The following FRMD4A variants were observed in gnomAD, a reference collection of about 807,000 sequenced individuals.
The protein encoded by FRMD4A is FERM domain-containing protein 4A.
In FRMD4A, 29 loss-of-function variants were observed where a neutral mutation model predicts 129.1. The observed-to-expected ratio is 0.22, with a 90% CI of 0.17 to 0.31. The LOEUF is 0.31. Ranked by LOEUF, FRMD4A falls within the 10% of genes least tolerant of loss-of-function variation. FRMD4A has a pLI of 1.00. For synonymous variants in FRMD4A, 634 were observed against 571.6 expected (o/e 1.11, Z -1.56); for missense variants, 1,272 against 1,375.8 (o/e 0.92, Z 1.19).
chr10:14,201,985 C>A (rs931949601), intron 2 of FRMD4A, among the ~76,000 whole-genome samples: 1 of 151,930 alleles, frequency 6.6e-6, no homozygotes, highest in African/African-American at 2.4e-5. Flanking sequence ...AACAAACAAA[C>A]AAATTAGCTG....
chr10:13,715,180 C>A (rs1252941051), intron 12 of FRMD4A, among the ~76,000 whole-genome samples: 1 of 152,128 alleles, frequency 6.6e-6, no homozygotes, highest in Non-Finnish European at 1.5e-5. Flanking sequence ...GGAGCAAGAA[C>A]CCTGGGTGGG....
intron 2 of FRMD4A, among the ~76,000 whole-genome samples, chr10:13,864,758 G>T (rs1172586173): frequency 4.0e-5 from 6 of 151,656 alleles, no homozygotes; most frequent in African/African-American, 1.2e-4. Flanking sequence ...TGCATTTTTG[G>T]TAGAGATGGG....
intron 2 of FRMD4A, among the ~76,000 whole-genome samples, chr10:14,065,643 C>T (rs1389157776): frequency 2.6e-5 from 4 of 152,186 alleles, no homozygotes; most frequent in African/African-American, 9.6e-5. Context: ...GCCCCCAAAA[C>T]TAAAATATCG....
chr10:14,031,301 C>G (rs1833232385), intron 2 of FRMD4A, among the ~76,000 whole-genome samples: 1 of 148,656 alleles, frequency 6.7e-6, no homozygotes, highest in Non-Finnish European at 1.5e-5. Flanking sequence ...GAGTTTCACT[C>G]TTGTTGCCTA....
chr10:13,659,250 C>A lies in FRMD4A; in HGVS notation c.2066+73G>T, dbSNP rs970212368. On this transcript the variant is annotated intron_variant, in intron 21 of 24. Coordinates refer to ENST00000357447, the MANE Select transcript of FRMD4A (RefSeq NM_018027.5). ...GACTGTAGCTCATCCATTATTTGGG[C>A]CAGCTTGGGGCTGACAATGCCCAAT... 3 of 1,336,166 alleles carry A rather than the reference C, an allele frequency of 2.2e-6. No individual in the cohort carries two copies. The Admixed American group carries it at 5.1e-5, about 23-fold the overall frequency. 82.8% of individuals were successfully genotyped at this position (1,336,166 alleles called of 1,614,324 possible).
chr10:13,733,916 G>A (rs1205252670), intron 12 of FRMD4A, among the ~76,000 whole-genome samples: 1 of 152,134 alleles, frequency 6.6e-6, no homozygotes, highest in Non-Finnish European at 1.5e-5. Flanking sequence ...TCCTCCCTCT[G>A]TCCAGTCTCT....
intron 2 of FRMD4A, among the ~76,000 whole-genome samples, chr10:14,187,354 C>T (rs779030786): frequency 1.6e-4 from 25 of 152,256 alleles, no homozygotes; most frequent in Non-Finnish European, 2.8e-4. Context: ...CCAGAGAGTT[C>T]GGTTACTTTC....
chr10:14,050,118 TA>T (rs1455726869), intron 2 of FRMD4A, among the ~76,000 whole-genome samples: 1 of 152,198 alleles, frequency 6.6e-6, no homozygotes, highest in Non-Finnish European at 1.5e-5. Context: ...AAAATGGGGC[TA>T]ATGACATTCT....
At chr10:13,840,149 C>T (rs1161932746) in intron 3 of FRMD4A, among the ~76,000 whole-genome samples, 1 of 152,200 alleles carries the variant, frequency 6.6e-6, no homozygotes, top group African/African-American at 2.4e-5. Context: ...TTACTCCCAG[C>T]ATACCTCAGA....
chr10:13,721,676 G>C (rs1264210839), intron 12 of FRMD4A, among the ~76,000 whole-genome samples: 1 of 152,154 alleles, frequency 6.6e-6, no homozygotes, highest in Non-Finnish European at 1.5e-5. Flanking sequence ...ACTTCTTCCA[G>C]CCTGTCAGCA....
intron 15 of FRMD4A, among the ~76,000 whole-genome samples, chr10:13,681,810 G>A (rs985322752): frequency 2.6e-5 from 4 of 152,130 alleles, no homozygotes; most frequent in African/African-American, 9.7e-5. Context: ...CTGTAAAATG[G>A]GAATGAAAAC....
intron 18 of FRMD4A, 63 bp from the exon 19 acceptor site, chr10:13,663,572 TA>T: frequency 1.2e-6 from 1 of 844,320 alleles, no homozygotes; most frequent in Non-Finnish European, 2.1e-6. Context: ...GCCCTATCTG[TA>T]AAAATAGCAT....
At chr10:13,885,990 G>C (rs1232198580) in intron 2 of FRMD4A, among the ~76,000 whole-genome samples, 1 of 152,140 alleles carries the variant, frequency 6.6e-6, no homozygotes, top group East Asian at 1.9e-4. Context: ...TCGGGAGATG[G>C]GCAAGCCAGC....
intron 14 of FRMD4A, among the ~76,000 whole-genome samples, chr10:13,694,981 T>C (rs2086076492): frequency 6.6e-6 from 1 of 152,194 alleles, no homozygotes; most frequent in Non-Finnish European, 1.5e-5. Context: ...CTTATTTTGA[T>C]ACCTAAGTAC....
At chr10:13,991,844 G>A (rs1388734099) in intron 2 of FRMD4A, 1 of 152,580 alleles carries the variant, frequency 6.6e-6, no homozygotes, top group East Asian at 1.9e-4. Context: ...CATGGAATAT[G>A]AGGGTAAACT....
rs927926832 is a variant in FRMD4A, at chr10:13,821,517, C to A, written c.112-10609G>T. Among the ~76,000 whole-genome samples, 2 of 152,152 alleles carry A rather than the reference C, an allele frequency of 1.3e-5. No individual in the cohort carries two copies. The highest frequency in any genetic ancestry group is 2.9e-5 in the Non-Finnish European group (2 of 68,022). ...ACCTCTAGTCTAGGAGTGACAGTGG[C>A]ATCACATCGCTGCAGCAGAACAGCA... is the stretch of plus-strand genomic sequence containing the variant. On this transcript the variant is annotated intron_variant, in intron 3 of 24. Coordinates refer to ENST00000357447, the MANE Select transcript of FRMD4A (RefSeq NM_018027.5). This position sits in a 1 kb window ranked among gnomAD's most constrained non-coding sequence, Gnocchi z 4.3.
rs138983106 is a variant in FRMD4A at position 14,318,375 on chromosome 10, G to A, written c.45+11683C>T. ...CATGGGCAATAAAGACACAAAACAA[G>A]TTATTAGTCCCAAGGCCAAGCATGT... On this transcript the variant is annotated intron_variant, in intron 2 of 24. Transcript: ENST00000357447. 5.6e-4 allele frequency among the ~76,000 whole-genome samples: 81 copies of A among 143,954 alleles called. 1 individual carries two copies. Among genetic ancestry groups the A allele is most frequent in the African/African-American group, 1.9e-3 (75 of 39,712 alleles). 94.4% of individuals were successfully genotyped at this position (143,954 alleles called of 152,430 possible). A position where few individuals can be genotyped will look rare whatever the true frequency, so the allele number is the denominator to read the frequency against.
At position 13,740,188 on chromosome 10, in the gene FRMD4A, A is replaced by G; in HGVS notation, c.672+6T>C. 1 of 1,557,534 alleles carries G rather than the reference A, an allele frequency of 6.4e-7. No individual in the cohort carries two copies. The highest frequency in any genetic ancestry group is 8.9e-7 in the Non-Finnish European group (1 of 1,128,794). ...TTGGTAACCTTCACCAAATGAGTCT[A>G]CTCACCTTCACTGCATAATAGTGAA... On this transcript the variant is annotated splice_donor_region_variant and intron_variant, in intron 11 of 24. Coordinates refer to ENST00000357447, the MANE Select transcript of FRMD4A (RefSeq NM_018027.5).
rs150125738 is a variant in FRMD4A, at chr10:14,270,765, A to G, written c.45+59293T>C. Among the ~76,000 whole-genome samples the G allele has an allele frequency of 3.8e-4, 58 of 152,308 alleles. No individual in the cohort carries two copies. In the East Asian group the frequency reaches 9.4e-3, roughly 25 times the overall value. On this transcript the variant is annotated intron_variant, in intron 2 of 24. Transcript: ENST00000357447. ...TTTTCCTGTGGGCTAATTGATATAC[A>G]TAAGAGTGACGTTCCCACGGTACGT...
Sources: gnomAD v4.1 joint callset for allele counts (sites outside exome capture counted in the v4.1 genomes callset) on GRCh38, gnomAD v4.1.1 for gene constraint, Gnocchi (gnomAD v3.1) non-coding constraint, MANE v1.5 for transcripts, NCBI Gene and HGNC (gene_info 2026-07-23, HGNC 2026-07-21) for gene names.